Variants in PCDHGA2 observed in about 807,000 individuals in gnomAD.
PCDHGA2 encodes protocadherin gamma subfamily A, 2.
In PCDHGA2, 40 loss-of-function variants were observed where a neutral mutation model predicts 59.2. That is an observed-to-expected ratio of 0.68 (90% confidence interval 0.52 to 0.88). The LOEUF (loss-of-function observed/expected upper bound fraction) is 0.88. Ranked by LOEUF, PCDHGA2 falls within the 40% of genes least tolerant of loss-of-function variation. PCDHGA2 has a pLI of 0.00. For synonymous variants in PCDHGA2, 560 were observed against 526.0 expected (o/e 1.06, Z -0.89); for missense variants, 1,226 against 1,204.0 (o/e 1.02, Z -0.27).
chr5:141,413,256 A>G (rs1255086187), intron 1 of PCDHGA2: 2 of 1,613,946 alleles, frequency 1.2e-6, no homozygotes, highest in Admixed American at 1.7e-5. Context: ...TCGGGATTCC[A>G]TGGGAGGCTG....
intron 1 of PCDHGA2, among the ~76,000 whole-genome samples, chr5:141,348,890 T>G (rs1469503351): frequency 6.6e-6 from 1 of 152,164 alleles, no homozygotes; most frequent in African/African-American, 2.4e-5. Flanking sequence ...TCTCATTTGG[T>G]AATGCATTTG....
chr5:141,464,208 T>G (rs915798868), intron 1 of PCDHGA2, among the ~76,000 whole-genome samples: 1 of 148,120 alleles, frequency 6.8e-6, no homozygotes, highest in Admixed American at 6.9e-5. Context: ...GAGATTGCAG[T>G]GAGCTGAGAT....
At position 141,501,332 on chromosome 5, in the gene PCDHGA2, CA is replaced by C. The variant is rs1257793029; in HGVS notation, c.2484-4060del. 1.8e-3 allele frequency among the ~76,000 whole-genome samples: 265 copies of C among 149,784 alleles called. 1 individual carries two copies. The highest frequency in any genetic ancestry group is 5.2e-3 in the African/African-American group (209 of 40,512). On this transcript the variant is annotated intron_variant, in intron 2 of 3. Transcript: ENST00000394576. Reference sequence around the variant, plus strand: ...ACACACACACACACACACACACACACACCCCAAACTCAATAGGGCAAGAACC... The same window carrying C: ...ACACACACACACACACACACACACACCCCCAAACTCAATAGGGCAAGAACC...
intron 1 of PCDHGA2, chr5:141,365,417 G>C: frequency 6.2e-7 from 1 of 1,613,940 alleles, no homozygotes; most frequent in South Asian, 1.1e-5. Context: ...CTGTCTTCCC[G>C]GAACTGTAAT....
At position 141,364,968 on chromosome 5, in the gene PCDHGA2, C is replaced by T. The variant is rs368689829; in HGVS notation, c.2424+23573C>T. On this transcript the variant is annotated intron_variant, in intron 1 of 3. Transcript: ENST00000394576. ...GAGACTGTTCACGACCTCCTCCTCA[C>T]AGCTTTAGATGGCGGAGACCCGGTA... 166 of 1,613,836 alleles carry T rather than the reference C, an allele frequency of 1.0e-4. No homozygotes were observed. Among genetic ancestry groups the T allele is most frequent in the Non-Finnish European group, 1.4e-4 (162 of 1,179,906 alleles).
intron 1 of PCDHGA2, chr5:141,375,739 G>T (rs760131359): frequency 5.6e-6 from 9 of 1,614,126 alleles, no homozygotes; most frequent in East Asian, 4.5e-5. Context: ...GCCTGTTTGT[G>T]CTGGACCAGA....
chr5:141,419,259 C>G, intron 1 of PCDHGA2: 4 of 1,614,016 alleles, frequency 2.5e-6, no homozygotes, highest in Non-Finnish European at 2.5e-6. Context: ...AACAACCAGC[C>G]GGGTGCCTCC....
chr5:141,356,006 C>T lies in PCDHGA2; in HGVS notation c.2424+14611C>T, dbSNP rs764436423. ...CTACTCACCGTAAAAGCCACTGATCCAGATGAAGGAGCCAATGGAGACGTG... is the reference window on the plus strand; with the variant it reads ...CTACTCACCGTAAAAGCCACTGATCTAGATGAAGGAGCCAATGGAGACGTG... On this transcript the variant is annotated intron_variant, in intron 1 of 3. Transcript: ENST00000394576. The T allele has an allele frequency of 4.3e-6, 7 of 1,613,876 alleles. No homozygotes were observed. The Admixed American group carries it at 1.2e-4, about 27-fold the overall frequency.
intron 1 of PCDHGA2, chr5:141,397,962 A>T: frequency 1.9e-6 from 2 of 1,037,030 alleles, no homozygotes; most frequent in Admixed American, 2.9e-5. Context: ...CCCAGCTCAG[A>T]CTCCCCAGCG....
chr5:141,500,294 C>T (rs755761935), intron 2 of PCDHGA2, among the ~76,000 whole-genome samples: 3 of 151,732 alleles, frequency 2.0e-5, no homozygotes, highest in Non-Finnish European at 2.9e-5. Flanking sequence ...CTGCAAGCTC[C>T]GCCTCCCAGG....
intron 1 of PCDHGA2, chr5:141,418,303 G>T: frequency 6.2e-7 from 1 of 1,614,032 alleles, no homozygotes; most frequent in Middle Eastern, 1.6e-4. Flanking sequence ...CCGTCAGCCT[G>T]GGGATGGGAA....
chr5:141,385,984 T>C (rs75507773), intron 1 of PCDHGA2: 11 of 152,336 alleles, frequency 7.2e-5, no homozygotes, highest in African/African-American at 1.7e-4. Context: ...CAATAAAATA[T>C]GTCAAATAAA....
chr5:141,397,424 T>A (rs975746097), intron 1 of PCDHGA2, among the ~76,000 whole-genome samples: 4 of 152,324 alleles, frequency 2.6e-5, no homozygotes, highest in African/African-American at 9.6e-5. Flanking sequence ...ATAGTATAGA[T>A]TTCCCTAATA....
chr5:141,451,497 G>T (rs2098717489), intron 1 of PCDHGA2, among the ~76,000 whole-genome samples: 1 of 152,214 alleles, frequency 6.6e-6, no homozygotes, highest in Admixed American at 6.5e-5. Flanking sequence ...CCTCCATAGG[G>T]CAACCAGCTT....
chr5:141,419,264 G>T (rs2096351955), intron 1 of PCDHGA2: 1 of 1,614,036 alleles, frequency 6.2e-7, no homozygotes, highest in Non-Finnish European at 8.5e-7. Context: ...CCAGCCGGGT[G>T]CCTCCATAGC....
At chr5:141,456,647 C>G (rs773458307) in intron 1 of PCDHGA2, among the ~76,000 whole-genome samples, 2 of 152,152 alleles carry the variant, frequency 1.3e-5, no homozygotes, top group African/African-American at 4.8e-5. Context: ...AGGTGTTAAT[C>G]CCAAAGAAGC....
intron 1 of PCDHGA2, among the ~76,000 whole-genome samples, chr5:141,358,211 G>A (rs1760853496): frequency 6.6e-6 from 1 of 152,100 alleles, no homozygotes; most frequent in African/African-American, 2.4e-5. Context: ...ATAAAATAAA[G>A]TAAAATAAAG....
At chr5:141,410,828 C>A in intron 1 of PCDHGA2, 4 of 377,748 alleles carry the variant, frequency 1.1e-5, no homozygotes, top group Non-Finnish European at 1.8e-5. Context: ...TGTCACCAGA[C>A]TGAAGATATT....
intron 1 of PCDHGA2, chr5:141,351,510 C>T: frequency 6.2e-7 from 1 of 1,614,030 alleles, no homozygotes; most frequent in South Asian, 1.1e-5. Flanking sequence ...TACAACGTCA[C>T]AATCATAGCC....
Sources: gnomAD v4.1 joint callset for allele counts (sites outside exome capture counted in the v4.1 genomes callset) on GRCh38, gnomAD v4.1.1 for gene constraint, MANE v1.5 for transcripts, NCBI Gene and HGNC (gene_info 2026-07-23, HGNC 2026-07-21) for gene names.